The following WWOX variants were observed in gnomAD, a reference collection of about 807,000 sequenced individuals.
WWOX encodes WW domain containing oxidoreductase, also known as WW domain-containing oxidoreductase.
In WWOX, 69 loss-of-function variants were observed where a neutral mutation model predicts 46.2. That is an observed-to-expected ratio of 1.49 (90% CI 1.23 to 1.82). The LOEUF is 1.82. WWOX is among the 40% of genes most tolerant of loss of function. The probability of loss-of-function intolerance (pLI) is 0.00; values close to 1 mark genes in which losing one functional copy is unlikely to be tolerated. For synonymous variants in WWOX, 359 were observed against 202.6 expected (o/e 1.77, Z -6.56); for missense variants, 919 against 542.6 (o/e 1.69, Z -6.89).
At chr16:79,097,400 T>C (rs1353832508) in intron 8 of WWOX, among the ~76,000 whole-genome samples, 2 of 151,556 alleles carry the variant, frequency 1.3e-5, no homozygotes, top group East Asian at 3.9e-4. Context: ...CAGAAGAGTC[T>C]AGCAATTAGC....
chr16:79,062,170 C>T (rs1413618722), intron 8 of WWOX, among the ~76,000 whole-genome samples: 2 of 152,096 alleles, frequency 1.3e-5, no homozygotes, highest in African/African-American at 4.8e-5. Context: ...GCCCCAGACT[C>T]AAGGTTGGGG....
chr16:78,140,428 G>A (rs535957670), intron 4 of WWOX, among the ~76,000 whole-genome samples: 1 of 152,260 alleles, frequency 6.6e-6, no homozygotes, highest in South Asian at 2.1e-4. Context: ...TGGGACAACA[G>A]AAATTTATTG....
intron 8 of WWOX, among the ~76,000 whole-genome samples, chr16:78,968,353 G>C (rs979804287): frequency 9.2e-5 from 14 of 152,316 alleles, no homozygotes; most frequent in African/African-American, 3.4e-4. Flanking sequence ...TGTGCTCTGA[G>C]CCCTGGCCAT....
chr16:78,613,804 A>G (rs908856842), intron 8 of WWOX, among the ~76,000 whole-genome samples: 1 of 152,202 alleles, frequency 6.6e-6, no homozygotes, highest in Non-Finnish European at 1.5e-5. Flanking sequence ...GATGTGTTTC[A>G]GAATTCAGAA....
At chr16:78,499,500 GCA>G in intron 8 of WWOX, among the ~76,000 whole-genome samples, 1 of 152,168 alleles carries the variant, frequency 6.6e-6, no homozygotes, top group African/African-American at 2.4e-5. Flanking sequence ...CCGTTCTTTG[GCA>G]ACTAGCAGCG....
chr16:78,909,082 G>T (rs1381510954), intron 8 of WWOX, among the ~76,000 whole-genome samples: 1 of 152,206 alleles, frequency 6.6e-6, no homozygotes, highest in African/African-American at 2.4e-5. Context: ...CTCAAAGTTA[G>T]TTAGTCCTAC....
At chr16:78,692,670 C>T (rs1347709104) in intron 8 of WWOX, among the ~76,000 whole-genome samples, 1 of 152,184 alleles carries the variant, frequency 6.6e-6, no homozygotes, top group Admixed American at 6.5e-5. Context: ...CTAGGGTCAC[C>T]AGTGGAGTCC....
chr16:78,564,673 G>A (rs1221339440), intron 8 of WWOX, among the ~76,000 whole-genome samples: 1 of 152,080 alleles, frequency 6.6e-6, no homozygotes, highest in East Asian at 1.9e-4. Flanking sequence ...CCACTCGGGA[G>A]CTCAAAAATA....
intron 8 of WWOX, among the ~76,000 whole-genome samples, chr16:78,992,563 C>T (rs933073586): frequency 3.3e-5 from 5 of 152,134 alleles, no homozygotes; most frequent in Non-Finnish European, 7.4e-5. Context: ...TGAGCGTCTG[C>T]GTAGGTTTTT....
At chr16:78,602,539 G>A (rs1050709457) in intron 8 of WWOX, among the ~76,000 whole-genome samples, 1 of 152,032 alleles carries the variant, frequency 6.6e-6, no homozygotes, top group South Asian at 2.1e-4. Flanking sequence ...GCCTCTTCTC[G>A]ATAGATCTTA....
chr16:78,256,246 G>C (rs1225257465), intron 5 of WWOX, among the ~76,000 whole-genome samples: 1 of 150,336 alleles, frequency 6.7e-6, no homozygotes, highest in Admixed American at 6.6e-5. Flanking sequence ...TGTGTGGCCT[G>C]TCTACCACAC....
rs370981577 is a variant in WWOX, at chr16:79,165,210, C to T, written c.1057-46398C>T. On this transcript the variant is annotated intron_variant, in intron 8 of 8. Transcript: ENST00000566780. Reference sequence around the variant, plus strand: ...ACATGAACTTTTGTAGAAGTAGTTACAATGCTAGTGACCTCATATACTCAT... The same window carrying T: ...ACATGAACTTTTGTAGAAGTAGTTATAATGCTAGTGACCTCATATACTCAT... Among the ~76,000 whole-genome samples, 9 of 151,240 alleles carry T rather than the reference C, an allele frequency of 6.0e-5. No individual in the cohort carries two copies. The East Asian group carries it at 1.6e-3, about 26-fold the overall frequency.
intron 8 of WWOX, among the ~76,000 whole-genome samples, chr16:78,588,460 T>G (rs1182161713): frequency 6.6e-6 from 1 of 152,222 alleles, no homozygotes; most frequent in Non-Finnish European, 1.5e-5. Flanking sequence ...AGCAAAAATC[T>G]GCCCTGTTTG....
chr16:78,726,565 G>T (rs2048841484), intron 8 of WWOX, among the ~76,000 whole-genome samples: 1 of 149,548 alleles, frequency 6.7e-6, no homozygotes, highest in Non-Finnish European at 1.5e-5. Context: ...AGTGCTTTTT[G>T]TTCCCCCATG....
At chr16:78,366,624 G>T (rs1023031254) in intron 5 of WWOX, among the ~76,000 whole-genome samples, 4 of 152,180 alleles carry the variant, frequency 2.6e-5, no homozygotes, top group Non-Finnish European at 5.9e-5. Context: ...TGGAACAGAG[G>T]AATACCAGTT....
At chr16:78,494,827 G>A (rs913665311) in intron 8 of WWOX, among the ~76,000 whole-genome samples, 1 of 152,158 alleles carries the variant, frequency 6.6e-6, no homozygotes, top group Admixed American at 6.5e-5. Flanking sequence ...TATAGCCGGA[G>A]GAAGGCCTGT....
intron 8 of WWOX, among the ~76,000 whole-genome samples, chr16:78,473,646 G>C (rs999521530): frequency 6.6e-6 from 1 of 152,166 alleles, no homozygotes; most frequent in African/African-American, 2.4e-5. Flanking sequence ...GTTGCCACCA[G>C]TGCTGATATG....
rs2051630764 is a variant in WWOX, at chr16:78,825,604, T to C, written c.1057-386004T>C. 4 of 528,028 alleles carry C rather than the reference T, an allele frequency of 7.6e-6. No homozygotes were observed. In the East Asian group the frequency reaches 2.0e-4, roughly 26 times the overall value. 32.7% of individuals were successfully genotyped at this position (528,028 alleles called of 1,614,324 possible). The stretch of plus-strand genomic sequence containing the variant: ...AGGTCGAGTCTGCAGTACAAACTCC[T>C]AGGAGGGCTTACTGTGCGGAGGGCC... On this transcript the variant is annotated intron_variant, in intron 8 of 8. Transcript: ENST00000566780.
rs142873462 is a variant in WWOX, at chr16:78,829,417, G to A, written c.1057-382191G>A. ...ATTAGATGAGATCCACCCCTACAGG[G>A]CAGGGCAATCAGTTTTACTCAGTCT... On this transcript the variant is annotated intron_variant, in intron 8 of 8. Transcript: ENST00000566780. Among the ~76,000 whole-genome samples, 660 of 152,262 alleles carry A rather than the reference G, an allele frequency of 4.3e-3. 4 individuals carry two copies. The highest frequency in any genetic ancestry group is 0.013 in the South Asian group (65 of 4,822).
Sources: gnomAD v4.1 joint callset for allele counts (sites outside exome capture counted in the v4.1 genomes callset) on GRCh38, gnomAD v4.1.1 for gene constraint, MANE v1.5 for transcripts, NCBI Gene and HGNC (gene_info 2026-07-23, HGNC 2026-07-21) for gene names.